Variants in SPECC1L observed in about 807,000 individuals in gnomAD.
The protein encoded by SPECC1L is cytospin-A.
Under a neutral mutation model 116.8 loss-of-function variants are expected in SPECC1L, and 40 were observed. The ratio of observed to expected loss-of-function variants is 0.34; its 90% confidence interval spans 0.27 to 0.45. The LOEUF is 0.45. Among genes scored for constraint, SPECC1L ranks in the 20% least tolerant of loss-of-function variants. SPECC1L has a pLI of 1.00. For missense variants in SPECC1L, 1,110 were observed against 1,373.6 expected (o/e 0.81, Z 3.03); for synonymous variants, 504 against 500.6 (o/e 1.01, Z -0.09).
At chr22:24,288,710 C>G (rs1789390979) in intron 2 of SPECC1L, among the ~76,000 whole-genome samples, 1 of 130,798 alleles carries the variant, frequency 7.6e-6, no homozygotes, top group South Asian at 2.6e-4. Flanking sequence ...ACTGCAACTT[C>G]TGCCTCCTGG....
At chr22:24,407,605 G>GT (rs1197509110) in intron 14 of SPECC1L, among the ~76,000 whole-genome samples, 2 of 152,032 alleles carry the variant, frequency 1.3e-5, no homozygotes, top group African/African-American at 4.8e-5. Flanking sequence ...AGGGCCAGGC[G>GT]TTGCCATTGG....
intron 2 of SPECC1L, among the ~76,000 whole-genome samples, 188 bp downstream of exon 2, chr22:24,276,991 ATCT>A (rs1270672017): frequency 6.6e-6 from 1 of 152,106 alleles, no homozygotes; most frequent in African/African-American, 2.4e-5. Context: ...CCAATTTTAA[ATCT>A]TCTGATCCAT....
At chr22:24,369,951 T>A (rs1015055101) in intron 14 of SPECC1L, among the ~76,000 whole-genome samples, 1 of 152,252 alleles carries the variant, frequency 6.6e-6, no homozygotes, top group African/African-American at 2.4e-5. Context: ...TCACATACAG[T>A]ATTAGTTACA....
intron 3 of SPECC1L, among the ~76,000 whole-genome samples, chr22:24,308,043 C>A (rs1274719324): frequency 6.6e-6 from 1 of 151,880 alleles, no homozygotes; most frequent in African/African-American, 2.4e-5. Flanking sequence ...CCTGTATATA[C>A]CATGTATACA....
At chr22:24,320,845 C>T (rs934738828) in intron 4 of SPECC1L, among the ~76,000 whole-genome samples, 3 of 152,120 alleles carry the variant, frequency 2.0e-5, no homozygotes, top group African/African-American at 7.2e-5. Context: ...TCCCTTCTTG[C>T]CCACCTATGA....
intron 3 of SPECC1L, among the ~76,000 whole-genome samples, chr22:24,310,882 C>T (rs2040448513): frequency 1.3e-5 from 2 of 151,884 alleles, no homozygotes; most frequent in Admixed American, 6.6e-5. Context: ...TCGATCAAGT[C>T]TTTGTTTTAT....
Position 24,383,792 on chromosome 22 carries a change from ATTTTTTTTTTTTTTTTTTTTTTTT to A in SPECC1L, c.3087+14489_3087+14512del, listed in dbSNP as rs538972717. 5.7e-4 allele frequency among the ~76,000 whole-genome samples: 44 copies of A among 77,336 alleles called. 1 individual carries two copies. In the Admixed American group the frequency reaches 5.9e-3, roughly 10 times the overall value. 50.7% of individuals were successfully genotyped at this position (77,336 alleles called of 152,430 possible). A position where few individuals can be genotyped will look rare whatever the true frequency, so the allele number is the denominator to read the frequency against. On this transcript the variant is annotated intron_variant, in intron 14 of 16. Coordinates refer to ENST00000314328, the MANE Select transcript of SPECC1L (RefSeq NM_015330.6). ...GCTGGGATTACAGGCACCCACCACT[ATTTTTTTTTTTTTTTTTTTTTTTT>A]TTTTTTTTTTTTTTTTAGTAGAGAT...
intron 11 of SPECC1L, among the ~76,000 whole-genome samples, chr22:24,356,183 C>G (rs2041529721): frequency 6.6e-6 from 1 of 151,952 alleles, no homozygotes; most frequent in Non-Finnish European, 1.5e-5. Context: ...TCAGTTAGAT[C>G]TAGTTGGTTG....
intron 10 of SPECC1L, among the ~76,000 whole-genome samples, chr22:24,342,378 A>G (rs1452544621): frequency 3.3e-5 from 5 of 152,204 alleles, no homozygotes; most frequent in Non-Finnish European, 7.3e-5. Context: ...GATATGAAAA[A>G]GAATAGAGGA....
intron 4 of SPECC1L, among the ~76,000 whole-genome samples, chr22:24,319,362 G>C (rs377343980): frequency 1.0e-3 from 153 of 152,328 alleles, no homozygotes; most frequent in East Asian, 1.7e-3. Context: ...ACCATCGGCT[G>C]TCATGAGAAC....
chr22:24,289,459 T>G (rs1160919419), intron 2 of SPECC1L, among the ~76,000 whole-genome samples: 1 of 152,090 alleles, frequency 6.6e-6, no homozygotes, highest in African/African-American at 2.4e-5. Context: ...GGCATAAGAT[T>G]AGGACTTTTA....
chr22:24,390,241 CCT>C (rs1483881902), intron 14 of SPECC1L, among the ~76,000 whole-genome samples: 3 of 152,060 alleles, frequency 2.0e-5, no homozygotes, highest in African/African-American at 7.2e-5. Context: ...TTCCTAGCGT[CCT>C]CTCTCCATGA....
chr22:24,375,265 G>A (rs2041949929), intron 14 of SPECC1L, among the ~76,000 whole-genome samples: 1 of 152,134 alleles, frequency 6.6e-6, no homozygotes, highest in Admixed American at 6.6e-5. Flanking sequence ...GGAATTAATA[G>A]CAATACTTCT....
chr22:24,348,841 C>G (rs533999932), intron 11 of SPECC1L, among the ~76,000 whole-genome samples: 53 of 152,330 alleles, frequency 3.5e-4, no homozygotes, highest in African/African-American at 1.3e-3. Context: ...ACACCTGCAG[C>G]TGCTGAAGTT....
intron 14 of SPECC1L, among the ~76,000 whole-genome samples, chr22:24,371,337 A>C (rs1324574881): frequency 1.3e-5 from 2 of 152,150 alleles, no homozygotes; most frequent in Non-Finnish European, 2.9e-5. Flanking sequence ...AATTGGCCAG[A>C]TGTGGTGGCT....
chr22:24,405,130 T>C (rs1186746285), intron 14 of SPECC1L, among the ~76,000 whole-genome samples: 2 of 152,234 alleles, frequency 1.3e-5, no homozygotes, highest in Non-Finnish European at 2.9e-5. Context: ...CTCTGCCTTG[T>C]GGCATCCAAA....
chr22:24,329,937 A>G (rs1379460917), intron 7 of SPECC1L, among the ~76,000 whole-genome samples: 12 of 152,040 alleles, frequency 7.9e-5, no homozygotes, highest in Non-Finnish European at 1.5e-4. Flanking sequence ...GTTTATTTTC[A>G]TAAGACTTGC....
intron 13 of SPECC1L, among the ~76,000 whole-genome samples, chr22:24,367,857 T>C (rs1416550486): frequency 6.6e-6 from 1 of 152,212 alleles, no homozygotes; most frequent in East Asian, 1.9e-4. Flanking sequence ...TCACAGAACA[T>C]GGGACTAGAG....
In SPECC1L at chr22:24,322,420, T is replaced by C; in HGVS notation, c.1440T>C (p.Asp480=). 6.2e-7 allele frequency: 1 copy of C among 1,614,176 alleles called. No individual in the cohort carries two copies. Among genetic ancestry groups the C allele is most frequent in the Non-Finnish European group, 8.5e-7 (1 of 1,180,026 alleles). The part of the protein sequence containing the change: ...LDEHHISYVI[D]EDVKSGRYME... ...AGCATCACATTTCTTATGTCATAGA[T>C]GAAGATGTAAAAAGTGGGCGCTATA... The change falls in exon 5 of 17, where the codon GAT becomes GAC. Residue 480 remains aspartate, a synonymous_variant. Coordinates refer to ENST00000314328, the MANE Select transcript of SPECC1L (RefSeq NM_015330.6).
Sources: allele counts gnomAD v4.1 joint callset (sites outside exome capture counted in the v4.1 genomes callset), GRCh38; gene constraint gnomAD v4.1.1; transcripts MANE v1.5; gene names NCBI Gene and HGNC (gene_info 2026-07-23, HGNC 2026-07-21).